Variants in CPEB1 observed in about 807,000 individuals in gnomAD.
CPEB1 encodes cytoplasmic polyadenylation element binding protein 1.
Under a neutral mutation model 65.8 loss-of-function variants are expected in CPEB1, and 7 were observed. The observed-to-expected ratio is 0.11, with a 90% CI of 0.06 to 0.20. The LOEUF is 0.20. Among genes scored for constraint, CPEB1 ranks in the 10% least tolerant of loss-of-function variants. The pLI, the probability that CPEB1 is intolerant of heterozygous loss-of-function variation, is 1.00. For missense variants in CPEB1, 551 were observed against 712.2 expected (o/e 0.77, Z 2.58); for synonymous variants, 262 against 260.0 (o/e 1.01, Z -0.08).
At chr15:82,648,000 C>A, upstream of CPEB1, 1 of 695,950 alleles carries the variant, frequency 1.4e-6, no homozygotes, top group South Asian at 7.3e-5. Flanking sequence ...TTATGAAGCT[C>A]CTACGAGCCG....
chr15:82,645,832 C>A (rs2047463538), intron 1 of CPEB1, among the ~76,000 whole-genome samples: 1 of 151,934 alleles, frequency 6.6e-6, no homozygotes, highest in African/African-American at 2.4e-5. Context: ...CGCGAGACTG[C>A]ATTCCAGCCT....
chr15:82,643,824 A>T (rs587728238), intron 1 of CPEB1, among the ~76,000 whole-genome samples: 48 of 152,166 alleles, frequency 3.2e-4, no homozygotes, highest in Middle Eastern at 6.8e-3. Context: ...CTTTAAAAAA[A>T]TTTTTTTTAA....
At chr15:82,641,208 C>T (rs1028846344) in intron 1 of CPEB1, among the ~76,000 whole-genome samples, 1 of 151,994 alleles carries the variant, frequency 6.6e-6, no homozygotes, top group East Asian at 1.9e-4. Context: ...TTTTGAGCTT[C>T]ACAACAATTC....
At chr15:82,578,208 T>C (rs1192491047) in intron 3 of CPEB1, among the ~76,000 whole-genome samples, 2 of 152,226 alleles carry the variant, frequency 1.3e-5, no homozygotes, top group Non-Finnish European at 2.9e-5. Flanking sequence ...AACTGAGTAA[T>C]TCCATGTCTG....
intron 1 of CPEB1, chr15:82,629,264 C>T (rs1003524405): frequency 1.0e-6 from 1 of 985,140 alleles, no homozygotes; most frequent in Non-Finnish European, 1.2e-6. Context: ...GCATGGCATA[C>T]AGTAGCTGCT....
chr15:82,602,549 T>C (rs377449211), intron 3 of CPEB1, among the ~76,000 whole-genome samples: 115 of 152,104 alleles, frequency 7.6e-4, no homozygotes, highest in African/African-American at 2.7e-3. Context: ...TCCAGAAATA[T>C]ATGTATATAA....
At chr15:82,553,427 A>G (rs2036624859) in intron 8 of CPEB1, 40 bp downstream of exon 8, 1 of 1,526,378 alleles carries the variant, frequency 6.6e-7, no homozygotes, top group Admixed American at 1.7e-5. Flanking sequence ...AAGGGAAAAA[A>G]AAGCTCCTAC....
chr15:82,588,286 G>A (rs2041961391), intron 3 of CPEB1, among the ~76,000 whole-genome samples: 1 of 151,998 alleles, frequency 6.6e-6, no homozygotes, highest in African/African-American at 2.4e-5. Context: ...CCCACATTAA[G>A]AGTTAATAAA....
At position 82,599,058 on chromosome 15, in the gene CPEB1, A is replaced by C. The variant is rs188212802; in HGVS notation, c.272-27526T>G. ...ATAATTCCCCCAAAGATACCAGACG[A>C]TCCATTGGAGACCTTGGAAGTTAAA... On this transcript the variant is annotated intron_variant, in intron 3 of 12. Coordinates refer to ENST00000684509, the MANE Select transcript of CPEB1 (RefSeq NM_001365242.1). Among the ~76,000 whole-genome samples, 10 of 152,324 alleles carry C rather than the reference A, an allele frequency of 6.6e-5. No individual in the cohort carries two copies. The East Asian group carries it at 1.9e-3, about 29-fold the overall frequency.
chr15:82,614,777 C>A (rs1052208356), intron 3 of CPEB1, among the ~76,000 whole-genome samples: 4 of 151,882 alleles, frequency 2.6e-5, no homozygotes, highest in African/African-American at 9.7e-5. Flanking sequence ...ATATTTAAGA[C>A]CTAGTCCTTA....
At chr15:82,571,777 G>T in intron 3 of CPEB1, 1 of 1,290,322 alleles carries the variant, frequency 7.7e-7, no homozygotes, top group Non-Finnish European at 9.8e-7. Flanking sequence ...GGGCCAGCAT[G>T]TGATCAGGCT....
intron 3 of CPEB1, among the ~76,000 whole-genome samples, chr15:82,626,028 G>T (rs2045740172): frequency 6.6e-6 from 1 of 151,992 alleles, no homozygotes; most frequent in Non-Finnish European, 1.5e-5. Context: ...ACTGAGGCAG[G>T]AGAATTGCTT....
chr15:82,610,958 CAAAAAAAAAAAAA>C (rs60065545), intron 3 of CPEB1, among the ~76,000 whole-genome samples: 9 of 30,018 alleles, frequency 3.0e-4, no homozygotes, highest in East Asian at 1.5e-3. Context: ...ACTCCAGTCT[CAAAAAAAAAAAAA>C]AAAAAAAAAA....
intron 3 of CPEB1, among the ~76,000 whole-genome samples, chr15:82,579,287 C>T (rs1327959042): frequency 3.3e-5 from 5 of 152,008 alleles, no homozygotes; most frequent in African/African-American, 9.7e-5. Flanking sequence ...ACAGGGAGAC[C>T]CCGTTTCTAC....
intron 3 of CPEB1, among the ~76,000 whole-genome samples, chr15:82,620,946 A>G (rs571045078): frequency 1.3e-5 from 2 of 152,360 alleles, no homozygotes; most frequent in African/African-American, 2.4e-5. Flanking sequence ...AATTCAGTGA[A>G]TAGTACACTC....
Position 82,628,574 on chromosome 15 carries a change from A to G in CPEB1, c.-97-18T>C. ...CACTGAAACTAACGCAAATGGTGGAATTAGGATTGGTACCACATAGAAACA... is the reference window on the plus strand; with the variant it reads ...CACTGAAACTAACGCAAATGGTGGAGTTAGGATTGGTACCACATAGAAACA... On this transcript the variant is annotated intron_variant, in intron 1 of 12. Transcript: ENST00000684509. 1.6e-6 allele frequency: 1 copy of G among 629,876 alleles called. No individual in the cohort carries two copies. The highest frequency in any genetic ancestry group is 2.8e-6 in the Non-Finnish European group (1 of 355,276). 39.0% of individuals were successfully genotyped at this position (629,876 alleles called of 1,614,324 possible).
intron 1 of CPEB1, among the ~76,000 whole-genome samples, chr15:82,635,574 G>A (rs2046590002): frequency 6.6e-6 from 1 of 152,108 alleles, no homozygotes; most frequent in Non-Finnish European, 1.5e-5. Flanking sequence ...CCAACAAAAT[G>A]GCAATTTCAC....
intron 3 of CPEB1, among the ~76,000 whole-genome samples, chr15:82,626,554 T>C (rs1333053662): frequency 6.6e-6 from 1 of 152,232 alleles, no homozygotes; most frequent in Admixed American, 6.5e-5. Context: ...CATTAGGACA[T>C]CCACACCTCT....
chr15:82,546,328 C>T (rs2035204868), intron 12 of CPEB1, 113 bp downstream of exon 12: 3 of 797,188 alleles, frequency 3.8e-6, no homozygotes, highest in South Asian at 1.6e-5. Context: ...CAGGCTGGTC[C>T]TCCTGATCCG....
Sources: gnomAD v4.1 joint callset for allele counts (sites outside exome capture counted in the v4.1 genomes callset) on GRCh38, gnomAD v4.1.1 for gene constraint, MANE v1.5 for transcripts, NCBI Gene and HGNC (gene_info 2026-07-23, HGNC 2026-07-21) for gene names.